SYK: variants seen among roughly 807,000 people sequenced by gnomAD.
SYK encodes the protein spleen associated tyrosine kinase.
A neutral mutation model predicts 77.8 loss-of-function variants in SYK; 16 were observed. The observed-to-expected ratio is 0.21, with a 90% confidence interval of 0.14 to 0.31. SYK has a LOEUF of 0.31. SYK is among the 10% of genes least tolerant of loss of function. SYK has a pLI of 1.00. For synonymous variants in SYK, 312 were observed against 308.7 expected, an observed-to-expected ratio of 1.01 and a Z score of -0.11; for missense variants, 529 against 814.4, an observed-to-expected ratio of 0.65 and a Z score of 4.26.
chr9:90,881,398 G>A (rs1031677722), intron 11 of SYK, among the ~76,000 whole-genome samples: 1 of 152,130 alleles, frequency 6.6e-6, no homozygotes, highest in Non-Finnish European at 1.5e-5. Context: ...ATAAAAAGTG[G>A]GCCGGGCGTG....
At chr9:90,871,984 C>T (rs1240827381) in intron 7 of SYK, among the ~76,000 whole-genome samples, 1 of 152,206 alleles carries the variant, frequency 6.6e-6, no homozygotes, top group Non-Finnish European at 1.5e-5. Context: ...GGGTGAACAA[C>T]ACACTGCTAG....
intron 6 of SYK, among the ~76,000 whole-genome samples, chr9:90,866,309 T>G (rs931418275): frequency 6.6e-6 from 1 of 152,184 alleles, no homozygotes; most frequent in Non-Finnish European, 1.5e-5. Flanking sequence ...CAAATATACA[T>G]CCTGCCTCCA....
chr9:90,877,235 G>A (rs368260792), intron 9 of SYK, among the ~76,000 whole-genome samples: 54 of 152,010 alleles, frequency 3.6e-4, no homozygotes, highest in African/African-American at 1.2e-3. Flanking sequence ...AGAGATGGGG[G>A]TCTCACTATG....
Position 90,885,607 on chromosome 9 carries a change from C to A in SYK, c.1582-2142C>A, listed in dbSNP as rs59057775. Among the ~76,000 whole-genome samples, 3,031 of 152,244 alleles carry A rather than the reference C, an allele frequency of 0.02. 177 individuals are homozygous for A. In the East Asian group the frequency reaches 0.22, roughly 11 times the overall value. ...GAAGAGAGAATGAAAGATTAGAAAT[C>A]CTATTTAATGAAATATTAGATCAAA... On this transcript the variant is annotated intron_variant, in intron 11 of 13. Transcript: ENST00000375754.
intron 3 of SYK, among the ~76,000 whole-genome samples, chr9:90,860,761 G>A (rs1037236998): frequency 6.6e-6 from 1 of 152,152 alleles, no homozygotes; most frequent in Non-Finnish European, 1.5e-5. Flanking sequence ...AGCTTTTTGA[G>A]ATAAGTCTCC....
At chr9:90,861,852 CT>C (rs1461493045) in intron 3 of SYK, among the ~76,000 whole-genome samples, 2 of 152,230 alleles carry the variant, frequency 1.3e-5, no homozygotes, top group African/African-American at 4.8e-5. Flanking sequence ...CGTGGTGCCC[CT>C]GTGCTCATCA....
intron 1 of SYK, among the ~76,000 whole-genome samples, chr9:90,822,782 T>A (rs1193939200): frequency 6.6e-6 from 1 of 152,230 alleles, no homozygotes; most frequent in Admixed American, 6.5e-5. Context: ...GTGGGAGTCT[T>A]ACTTGCAGTC....
chr9:90,804,955 G>GTTTT (rs5899105), intron 1 of SYK, among the ~76,000 whole-genome samples: 2 of 151,088 alleles, frequency 1.3e-5, no homozygotes, highest in Non-Finnish European at 2.9e-5. Context: ...TCAATTTGAG[G>GTTTT]TTTTTTTTTC....
Position 90,843,953 on chromosome 9 carries a change from A to T in SYK, c.55A>T (p.Asn19Tyr). 1.3e-6 allele frequency: 2 copies of T among 1,576,678 alleles called. No individual in the cohort carries two copies. The highest frequency in any genetic ancestry group is 1.7e-6 in the Non-Finnish European group (2 of 1,161,508). ...CAACCACCTGCCCTTCTTTTTCGGC[A>T]ACATCACCCGGGAGGAGGCAGAAGA... Reference protein sequence around the residue: ...SANHLPFFFGNITREEAEDYL... With the variant: ...SANHLPFFFGYITREEAEDYL... Residue 19 changes from asparagine to tyrosine, a missense_variant, in exon 2 of 14, where the codon AAC (asparagine) becomes TAC (tyrosine). Around this residue, in one of 2 missense-constraint regions of SYK, gnomAD observed 321 missense variants for 433.1 expected, o/e 0.74. Transcript: ENST00000375754.
intron 3 of SYK, among the ~76,000 whole-genome samples, chr9:90,851,623 C>T (rs763579351): frequency 2.6e-5 from 4 of 152,058 alleles, no homozygotes; most frequent in Non-Finnish European, 5.9e-5. Flanking sequence ...TTGTTGGTGA[C>T]GTCAGGGACC....
chr9:90,815,473 G>A (rs1038170449), intron 1 of SYK, among the ~76,000 whole-genome samples: 4 of 152,204 alleles, frequency 2.6e-5, no homozygotes, highest in African/African-American at 9.6e-5. Context: ...AGAGATAAAA[G>A]GCCACAAGAG....
chr9:90,869,564 A>G (rs1827649186), intron 7 of SYK, among the ~76,000 whole-genome samples: 1 of 152,224 alleles, frequency 6.6e-6, no homozygotes, highest in East Asian at 1.9e-4. Flanking sequence ...GAATTGTGAG[A>G]ATTATGTCAA....
At chr9:90,835,982 A>G (rs954041213) in intron 1 of SYK, among the ~76,000 whole-genome samples, 2 of 152,206 alleles carry the variant, frequency 1.3e-5, no homozygotes, top group Admixed American at 6.5e-5. Context: ...GATGAACTCC[A>G]TAGCCCAGAA....
At chr9:90,847,238 C>T (rs2118663298) in intron 3 of SYK, among the ~76,000 whole-genome samples, 1 of 152,242 alleles carries the variant, frequency 6.6e-6, no homozygotes, top group South Asian at 2.1e-4. Context: ...AGCACATGTC[C>T]CTGACACTGA....
At chr9:90,813,744 A>G (rs570476073) in intron 1 of SYK, among the ~76,000 whole-genome samples, 2 of 152,196 alleles carry the variant, frequency 1.3e-5, no homozygotes, top group Admixed American at 6.5e-5. Flanking sequence ...GTTCTTTTAC[A>G]AGCAAAAAGA....
chr9:90,814,436 AG>A (rs1825213336), intron 1 of SYK, among the ~76,000 whole-genome samples: 1 of 152,218 alleles, frequency 6.6e-6, no homozygotes. Context: ...CACACAGGCC[AG>A]GTGTCAGGGA....
intron 11 of SYK, among the ~76,000 whole-genome samples, chr9:90,885,732 T>A (rs1369995732): frequency 6.6e-6 from 1 of 152,188 alleles, no homozygotes; most frequent in African/African-American, 2.4e-5. Flanking sequence ...CAGCACGTTA[T>A]AATCAAACCA....
chr9:90,817,253 C>CT (rs1304850050), intron 1 of SYK, among the ~76,000 whole-genome samples: 10 of 152,102 alleles, frequency 6.6e-5, no homozygotes, highest in African/African-American at 1.9e-4. Flanking sequence ...GTAGACAAGA[C>CT]TTTTTTTATT....
At chr9:90,871,328 G>A (rs764740324) in intron 7 of SYK, among the ~76,000 whole-genome samples, 13 of 152,368 alleles carry the variant, frequency 8.5e-5, no homozygotes, top group Admixed American at 1.3e-4. Context: ...GTGCAGAACA[G>A]ATGACACTTA....
Sources: gnomAD v4.1 joint callset for allele counts (sites outside exome capture counted in the v4.1 genomes callset) on GRCh38, gnomAD v4.1.1 for gene constraint, gnomAD v4.1.1 regional missense constraint, MANE v1.5 for transcripts, NCBI Gene and HGNC (gene_info 2026-07-23, HGNC 2026-07-21) for gene names.